The following TTC6 variants were observed in gnomAD, a reference collection of about 807,000 sequenced individuals.
The protein encoded by TTC6 is tetratricopeptide repeat domain 6, also known as tetratricopeptide repeat protein 6.
A neutral mutation model predicts 210.4 loss-of-function variants in TTC6; 172 were observed. The ratio of observed to expected loss-of-function variants is 0.82; its 90% CI spans 0.72 to 0.93. The LOEUF is 0.93. Among genes scored for constraint, TTC6 ranks in the 40% least tolerant of loss-of-function variants. TTC6 has a pLI of 0.00. For synonymous variants in TTC6, 804 were observed against 819.6 expected, an observed-to-expected ratio of 0.98 and a Z score of 0.32; for missense variants, 2,414 against 2,318.1, an observed-to-expected ratio of 1.04 and a Z score of -0.85.
intron 24 of TTC6, among the ~76,000 whole-genome samples, chr14:37,809,853 G>A (rs74045702): frequency 0.015 from 2,329 of 152,262 alleles, 66 homozygotes; most frequent in African/African-American, 0.053. Flanking sequence ...GGAGCAGCTA[G>A]TCTTGCGGTC....
intron 5 of TTC6, among the ~76,000 whole-genome samples, chr14:37,706,921 T>C (rs1046888776): frequency 6.6e-6 from 1 of 152,110 alleles, no homozygotes; most frequent in Non-Finnish European, 1.5e-5. Flanking sequence ...TAGGTTTTTT[T>C]CTAATAGGTT....
intron 29 of TTC6, 77 bp downstream of exon 31, chr14:37,827,443 T>C: frequency 1.5e-6 from 2 of 1,365,916 alleles, no homozygotes; most frequent in Non-Finnish European, 2.0e-6. Flanking sequence ...AAAGTATAAT[T>C]CATACAATCT....
chr14:37,727,856 A>G (rs1324911649), intron 7 of TTC6, among the ~76,000 whole-genome samples: 1 of 152,166 alleles, frequency 6.6e-6, no homozygotes, highest in East Asian at 1.9e-4. Context: ...TAGCGTAAAA[A>G]TATATTCTTC....
At chr14:37,722,978 T>A (rs1402018574) in intron 6 of TTC6, among the ~76,000 whole-genome samples, 3 of 152,186 alleles carry the variant, frequency 2.0e-5, no homozygotes, top group Non-Finnish European at 4.4e-5. Flanking sequence ...ATTCATTTAT[T>A]TACTCAGTCA....
At position 37,811,127 on chromosome 14, in the gene TTC6, C is replaced by T. The variant is rs189810112; in HGVS notation, c.4570-1187C>T. 1.3e-4 allele frequency among the ~76,000 whole-genome samples: 20 copies of T among 152,250 alleles called. No homozygotes were observed. The East Asian group carries it at 3.9e-3, about 29-fold the overall frequency. On this transcript the variant is annotated intron_variant, in intron 24 of 30. Transcript: ENST00000553443. ...GTGTGCTCCCATCCCTACCCCTTACCCTCGTTGACCTTTACGAAATCTTAT... is the reference window on the plus strand; with the variant it reads ...GTGTGCTCCCATCCCTACCCCTTACTCTCGTTGACCTTTACGAAATCTTAT...
At chr14:37,692,653 G>C (rs572199425) in intron 3 of TTC6, among the ~76,000 whole-genome samples, 2 of 152,092 alleles carry the variant, frequency 1.3e-5, no homozygotes, top group Non-Finnish European at 1.5e-5. Context: ...GAGGCCAGGA[G>C]TTTGAGACAA....
At chr14:37,812,171 C>CCCTTTAATTTATGGCCA (rs2096130998) in intron 24 of TTC6, 143 bp from the exon 27 acceptor site, 1 of 800,876 alleles carries the variant, frequency 1.2e-6, no homozygotes, top group Non-Finnish European at 1.9e-6. Flanking sequence ...TTAAATCTAA[C>CCCTTTAATTTATGGCCA]ATATGATTAT....
chr14:37,746,595 C>G (rs949327237), intron 10 of TTC6, among the ~76,000 whole-genome samples: 1 of 152,122 alleles, frequency 6.6e-6, no homozygotes, highest in Non-Finnish European at 1.5e-5. Flanking sequence ...CCTGGGTGTT[C>G]TGGCTAAGGC....
At chr14:37,627,238 G>A (rs1416297272) in intron 1 of TTC6, among the ~76,000 whole-genome samples, 1 of 152,056 alleles carries the variant, frequency 6.6e-6, no homozygotes, top group Admixed American at 6.6e-5. Flanking sequence ...GTAGAACCAT[G>A]AGCCTATTAA....
At position 37,820,855 on chromosome 14, in the gene TTC6, G is replaced by T. The variant is rs139682007; in HGVS notation, c.4764-2892G>T. Among the ~76,000 whole-genome samples the T allele has an allele frequency of 9.2e-3, 1,400 of 151,848 alleles. 11 individuals are homozygous for T. The highest frequency in any genetic ancestry group is 0.012 in the Non-Finnish European group (791 of 67,934). On this transcript the variant is annotated intron_variant, in intron 26 of 30. Transcript: ENST00000553443. ...AGAAGGCACTTGGAAAGGCAAAGTG[G>T]TCTTCTTCTTCTTCCTCCTTCTCCT...
chr14:37,760,949 G>A (rs553365023), intron 14 of TTC6, among the ~76,000 whole-genome samples: 10 of 152,284 alleles, frequency 6.6e-5, no homozygotes, highest in African/African-American at 2.4e-4. Context: ...AGCTTGCTGG[G>A]CTCCATGGGA....
chr14:37,832,274 AT>A (rs984513067), intron 29 of TTC6, among the ~76,000 whole-genome samples: 5 of 113,046 alleles, frequency 4.4e-5, no homozygotes, highest in South Asian at 2.8e-4. Context: ...GATGTTTTGT[AT>A]TTTTTAAGTC....
At chr14:37,725,712 T>C (rs979338882) in intron 7 of TTC6, among the ~76,000 whole-genome samples, 17 of 152,120 alleles carry the variant, frequency 1.1e-4, no homozygotes, top group Non-Finnish European at 8.8e-5. Context: ...TGACTTTAGC[T>C]AGTTAAGAAG....
At chr14:37,795,275 T>C in exon 18 of TTC6, 2 of 1,530,034 alleles carry the variant, frequency 1.3e-6, no homozygotes, top group Non-Finnish European at 1.7e-6. Context: ...AACAGTTGCA[T>C]AAATTGAAAA....
At chr14:37,715,190 C>T (rs1320434304) in intron 6 of TTC6, among the ~76,000 whole-genome samples, 1 of 151,894 alleles carries the variant, frequency 6.6e-6, no homozygotes, top group African/African-American at 2.4e-5. Flanking sequence ...TTATTGAAGA[C>T]CTCAATAATT....
At chr14:37,742,870 T>G (rs2095925077) in intron 10 of TTC6, among the ~76,000 whole-genome samples, 2 of 152,226 alleles carry the variant, frequency 1.3e-5, no homozygotes, top group Admixed American at 6.5e-5. Flanking sequence ...CCGAGCTACT[T>G]AATTTCCTTG....
intron 1 of TTC6, among the ~76,000 whole-genome samples, chr14:37,601,963 G>A (rs1456116242): frequency 3.9e-5 from 6 of 152,236 alleles, no homozygotes; most frequent in South Asian, 4.1e-4. Context: ...AGGAAACATC[G>A]GTGTTTAAAT....
intron 2 of TTC6, among the ~76,000 whole-genome samples, chr14:37,614,245 A>G (rs2095639077): frequency 6.6e-6 from 1 of 151,984 alleles, no homozygotes; most frequent in African/African-American, 2.4e-5. Flanking sequence ...ACCTCTTTGT[A>G]TTACTTTAAA....
rs34214926 is a variant in TTC6 at position 37,597,005 on chromosome 14, A to ATT, written c.-235+1014_-235+1015dup. Among the ~76,000 whole-genome samples the ATT allele has an allele frequency of 5.5e-3, 765 of 138,536 alleles. 1 individual carries two copies. Among genetic ancestry groups the ATT allele is most frequent in the Middle Eastern group, 0.038 (10 of 262 alleles). The allele number at this position is 138,536 out of a possible 152,430, so 90.9% of individuals were successfully genotyped here. A position where few individuals can be genotyped will look rare whatever the true frequency, so the allele number is the denominator to read the frequency against. ...AAAAAAGATAAAAGCATTGGATTAC[A>ATT]TTTTTTTTTTTTTTTTTTACAAAAA... On this transcript the variant is annotated intron_variant, in intron 1 of 2. Transcript: ENST00000556845.
Sources: allele counts gnomAD v4.1 joint callset (sites outside exome capture counted in the v4.1 genomes callset), GRCh38; gene constraint gnomAD v4.1.1; transcripts MANE v1.5; gene names NCBI Gene and HGNC (gene_info 2026-07-23, HGNC 2026-07-21).